The following GRIP1 variants were observed in gnomAD, a reference collection of about 807,000 sequenced individuals.
The protein encoded by GRIP1 is glutamate receptor interacting protein 1.
GRIP1 carries 45 observed loss-of-function variants against 129.9 expected under a neutral mutation model. The observed-to-expected ratio is 0.35, with a 90% CI of 0.27 to 0.44. The LOEUF (loss-of-function observed/expected upper bound fraction) is 0.44. Among genes scored for constraint, GRIP1 ranks in the 20% least tolerant of loss-of-function variants. The pLI, the probability that GRIP1 is intolerant of heterozygous loss-of-function variation, is 1.00. For missense variants in GRIP1, 1,196 were observed against 1,396.8 expected, an observed-to-expected ratio of 0.86 and a Z score of 2.29; for synonymous variants, 530 against 520.8, an observed-to-expected ratio of 1.02 and a Z score of -0.24.
intron 1 of GRIP1, among the ~76,000 whole-genome samples, chr12:66,788,190 A>G (rs1016235430): frequency 5.3e-5 from 8 of 152,110 alleles, no homozygotes; most frequent in African/African-American, 1.9e-4. Flanking sequence ...CTATCGGGAC[A>G]ACACTGAGAC....
Position 66,596,876 on chromosome 12 carries a change from G to C in GRIP1, c.107C>G (p.Ala36Gly). 1 of 1,613,232 alleles carries C rather than the reference G, an allele frequency of 6.2e-7. No homozygotes were observed. The highest frequency in any genetic ancestry group is 1.3e-5 in the African/African-American group (1 of 74,982). The change falls in exon 2 of 25, where the codon GCG becomes GGG. Residue 36 changes from alanine (A) to glycine (G), a missense_variant. Ala to Gly is a moderately conservative substitution (Grantham distance 60). This residue lies in a region of GRIP1 where 217 missense variants were observed against 224.8 expected (regional missense o/e 0.97). Coordinates refer to ENST00000359742, the MANE Select transcript of GRIP1 (RefSeq NM_001366722.1). ...SASQTKPPDG[A>G]LAVRRQSIPE... ...GATGCTCTGTCTCCTCACAGCCAAC[G>C]CTCCATCAGGCGGCTTTGTCTGGCT...
chr12:66,865,064 G>A (rs1302120514), intron 1 of GRIP1, among the ~76,000 whole-genome samples: 1 of 152,150 alleles, frequency 6.6e-6, no homozygotes, highest in Admixed American at 6.6e-5. Context: ...GATCTGCTGT[G>A]TTAAATGAGT....
intron 1 of GRIP1, among the ~76,000 whole-genome samples, chr12:66,719,018 T>C (rs1461432333): frequency 6.6e-6 from 1 of 152,082 alleles, no homozygotes; most frequent in Non-Finnish European, 1.5e-5. Context: ...ATTGCCCAAC[T>C]AAGAAATTTT....
intron 13 of GRIP1, among the ~76,000 whole-genome samples, chr12:66,438,640 C>T (rs1289056123): frequency 6.6e-6 from 1 of 152,000 alleles, no homozygotes; most frequent in Admixed American, 6.6e-5. Context: ...GGATCACAGG[C>T]ACACACCACC....
intron 1 of GRIP1, among the ~76,000 whole-genome samples, chr12:66,715,064 G>A (rs2035834098): frequency 1.3e-5 from 2 of 152,006 alleles, no homozygotes; most frequent in African/African-American, 2.4e-5. Flanking sequence ...CACTGCTCTA[G>A]TGTAGGCTTT....
intron 1 of GRIP1, among the ~76,000 whole-genome samples, chr12:66,880,382 A>G (rs2040458196): frequency 6.6e-6 from 1 of 152,126 alleles, no homozygotes; most frequent in African/African-American, 2.4e-5. Context: ...CAAAAGAAAT[A>G]CACCATGCTA....
chr12:66,357,733 C>T (rs980053957), intron 23 of GRIP1, among the ~76,000 whole-genome samples: 1 of 152,150 alleles, frequency 6.6e-6, no homozygotes, highest in African/African-American at 2.4e-5. Context: ...ACAGCTTTTA[C>T]AAGAAGGGCA....
intron 1 of GRIP1, among the ~76,000 whole-genome samples, chr12:66,727,940 T>G (rs1359352898): frequency 6.6e-6 from 1 of 152,208 alleles, no homozygotes; most frequent in Non-Finnish European, 1.5e-5. Flanking sequence ...CAAGAAATAA[T>G]TTCAATATTT....
intron 5 of GRIP1, among the ~76,000 whole-genome samples, chr12:66,525,504 T>C (rs1223958325): frequency 1.3e-5 from 2 of 149,828 alleles, no homozygotes; most frequent in Non-Finnish European, 3.0e-5. Context: ...AAACTCTCAA[T>C]AAATTAGGTA....
chr12:66,597,005 C>A (rs2064079197), intron 1 of GRIP1, 78 bp from the exon 2 acceptor site: 1 of 976,196 alleles, frequency 1.0e-6, no homozygotes, highest in East Asian at 2.4e-5. Flanking sequence ...GGATTGCAAT[C>A]CTTCTGCGAG....
intron 1 of GRIP1, among the ~76,000 whole-genome samples, chr12:66,902,456 C>A (rs2040859040): frequency 6.6e-6 from 1 of 152,104 alleles, no homozygotes. Context: ...AGTATGTGAA[C>A]ACCACCAGCT....
chr12:66,807,267 T>C (rs576458728), upstream of GRIP1, among the ~76,000 whole-genome samples: 3 of 152,292 alleles, frequency 2.0e-5, no homozygotes, highest in East Asian at 5.8e-4. Flanking sequence ...TGGGGTCTGG[T>C]GAGAGGTAAC....
At chr12:66,473,132 T>C (rs1443064402) in intron 7 of GRIP1, among the ~76,000 whole-genome samples, 5 of 152,060 alleles carry the variant, frequency 3.3e-5, no homozygotes, top group Admixed American at 3.3e-4. Flanking sequence ...ATGCTGAAGT[T>C]TGGTGGGGGG....
intron 1 of GRIP1, among the ~76,000 whole-genome samples, chr12:66,630,580 GT>G (rs1049478583): frequency 6.6e-6 from 1 of 152,128 alleles, no homozygotes; most frequent in African/African-American, 2.4e-5. Flanking sequence ...TTAAAATGGA[GT>G]CTATCTTCCT....
chr12:66,544,425 C>T, intron 2 of GRIP1, among the ~76,000 whole-genome samples: 1 of 152,166 alleles, frequency 6.6e-6, no homozygotes, highest in Non-Finnish European at 1.5e-5. Context: ...TCACAGACCA[C>T]TGTACCATAC....
upstream of GRIP1, among the ~76,000 whole-genome samples, chr12:66,680,778 C>T (rs1006025344): frequency 4.6e-5 from 7 of 152,138 alleles, no homozygotes; most frequent in African/African-American, 1.7e-4. Context: ...TCAGAATACG[C>T]AGCTGTCAAT....
intron 1 of GRIP1, among the ~76,000 whole-genome samples, chr12:66,738,928 C>A (rs1291425554): frequency 1.3e-5 from 2 of 152,208 alleles, no homozygotes; most frequent in Non-Finnish European, 2.9e-5. Context: ...TCCTCCTTTA[C>A]ATACTCAGGG....
intron 1 of GRIP1, among the ~76,000 whole-genome samples, chr12:66,703,156 T>C (rs1467331115): frequency 1.3e-5 from 2 of 152,224 alleles, no homozygotes; most frequent in South Asian, 2.1e-4. Context: ...ATATGGTGCC[T>C]TGACAGGGAC....
intron 1 of GRIP1, among the ~76,000 whole-genome samples, chr12:66,636,017 A>G (rs1592681306): frequency 6.6e-6 from 1 of 152,216 alleles, no homozygotes; most frequent in African/African-American, 2.4e-5. Flanking sequence ...CTGTCGACAG[A>G]TGGATGAATG....
Sources: gnomAD v4.1 joint callset for allele counts (sites outside exome capture counted in the v4.1 genomes callset) on GRCh38, gnomAD v4.1.1 for gene constraint, gnomAD v4.1.1 regional missense constraint, MANE v1.5 for transcripts, NCBI Gene and HGNC (gene_info 2026-07-23, HGNC 2026-07-21) for gene names.